Variants in RAB6B observed in about 807,000 individuals in gnomAD.
RAB6B encodes RAB6B, member RAS oncogene family, also known as ras-related protein Rab-6B.
RAB6B carries 7 observed loss-of-function variants against 31.2 expected under a neutral mutation model. The ratio of observed to expected loss-of-function variants is 0.22; its 90% CI spans 0.13 to 0.42. The LOEUF (loss-of-function observed/expected upper bound fraction) is 0.42. RAB6B is among the 10% of genes least tolerant of loss of function. RAB6B has a pLI of 1.00. For synonymous variants in RAB6B, 105 were observed against 104.9 expected (o/e 1.00, Z -0.01); for missense variants, 149 against 280.6 (o/e 0.53, Z 3.35).
At chr3:133,895,317 C>T (rs1936693202) in intron 1 of RAB6B, 80 bp downstream of exon 1, 3 of 1,475,546 alleles carry the variant, frequency 2.0e-6, no homozygotes, top group South Asian at 2.3e-5. Context: ...CGAGCCTGGG[C>T]CGGGGGTCCC....
intron 1 of RAB6B, among the ~76,000 whole-genome samples, chr3:133,892,886 C>CA (rs1936655820): frequency 6.6e-6 from 1 of 152,210 alleles, no homozygotes; most frequent in South Asian, 2.1e-4. Flanking sequence ...GTAGAAGAAG[C>CA]GGCTGTGGAG....
chr3:133,892,615 C>T (rs1936651622), intron 1 of RAB6B, among the ~76,000 whole-genome samples: 1 of 152,182 alleles, frequency 6.6e-6, no homozygotes, highest in South Asian at 2.1e-4. Context: ...TAAGATAAAG[C>T]CACATCCCTC....
intron 2 of RAB6B, among the ~76,000 whole-genome samples, chr3:133,859,462 G>A (rs1010934471): frequency 6.6e-6 from 1 of 152,174 alleles, no homozygotes; most frequent in Non-Finnish European, 1.5e-5. Flanking sequence ...CCATGAGTGT[G>A]TGAGTGTGTC....
At chr3:133,859,532 T>C (rs907525507) in intron 2 of RAB6B, among the ~76,000 whole-genome samples, 1 of 151,982 alleles carries the variant, frequency 6.6e-6, no homozygotes, top group Non-Finnish European at 1.5e-5. Flanking sequence ...GGGTCCTACC[T>C]CACCTACACC....
At chr3:133,872,381 C>T (rs1312834720) in intron 1 of RAB6B, among the ~76,000 whole-genome samples, 2 of 152,364 alleles carry the variant, frequency 1.3e-5, no homozygotes, top group African/African-American at 4.8e-5. Context: ...CTGCACAGGG[C>T]CCTTGGGGTG....
intron 1 of RAB6B, among the ~76,000 whole-genome samples, chr3:133,892,293 A>C (rs756526002): frequency 6.6e-6 from 1 of 152,128 alleles, no homozygotes; most frequent in Non-Finnish European, 1.5e-5. Context: ...TCCTGGGTCC[A>C]CAGCACCCTC....
chr3:133,850,192 C>CG (rs1001725419), intron 2 of RAB6B, among the ~76,000 whole-genome samples: 19 of 152,110 alleles, frequency 1.2e-4, no homozygotes, highest in African/African-American at 3.1e-4. Context: ...CTGCCTACCA[C>CG]GGGGGGGAGA....
chr3:133,834,492 G>C, intron 7 of RAB6B, 83 bp downstream of exon 7: 2 of 1,435,098 alleles, frequency 1.4e-6, no homozygotes, highest in Non-Finnish European at 2.0e-6. Context: ...GACTGGGCGA[G>C]TGTCTGTCCA....
intron 1 of RAB6B, among the ~76,000 whole-genome samples, chr3:133,878,113 G>A (rs1346959194): frequency 6.6e-6 from 1 of 152,000 alleles, no homozygotes. Context: ...TGAAGGGAGA[G>A]GCAGTGACAG....
chr3:133,887,600 C>T lies in RAB6B; in HGVS notation c.70+7797G>A, dbSNP rs181154134. Among the ~76,000 whole-genome samples the T allele has an allele frequency of 9.9e-4, 151 of 152,302 alleles. 1 individual carries two copies. The highest frequency in any genetic ancestry group is 1.6e-3 in the Non-Finnish European group (108 of 68,026). On this transcript the variant is annotated intron_variant, in intron 1 of 7. Transcript: ENST00000285208. The stretch of plus-strand genomic sequence containing the variant: ...AGAACCAGAGTTAGAGCTCCACTGG[C>T]CCAAGGGGTCACCCAGCCCAGTAGC...
At chr3:133,843,533 C>T (rs79153014) in intron 2 of RAB6B, among the ~76,000 whole-genome samples, 1 of 152,336 alleles carries the variant, frequency 6.6e-6, no homozygotes, top group Non-Finnish European at 1.5e-5. Context: ...GAGTGACATG[C>T]TCCTTTTGTA....
rs1419909270 is a variant in RAB6B, at chr3:133,895,697, G to T, written c.-231C>A. On this transcript the variant is annotated 5_prime_UTR_variant, in exon 1 of 8. Transcript: ENST00000285208. ...GCGGAGGCGGAGGAAGGCTGGGGCT[G>T]GGCTGCTGCGGTCGGCACTGGCTGC... The T allele has an allele frequency of 1.1e-5, 6 of 555,672 alleles. No individual in the cohort carries two copies. Among genetic ancestry groups the T allele is most frequent in the Non-Finnish European group, 1.9e-5 (6 of 318,266 alleles). 34.4% of individuals were successfully genotyped at this position (555,672 alleles called of 1,614,324 possible).
intron 1 of RAB6B, among the ~76,000 whole-genome samples, chr3:133,875,769 C>T (rs1160497337): frequency 2.6e-5 from 4 of 152,190 alleles, no homozygotes; most frequent in Admixed American, 6.5e-5. Context: ...CTACCTGCTA[C>T]AGCCAAGTCT....
Position 133,841,213 on chromosome 3 carries a change from C to T in RAB6B, c.289+72G>A, listed in dbSNP as rs1276967573. The T allele has an allele frequency of 9.1e-6, 13 of 1,426,128 alleles. No individual in the cohort carries two copies. In the East Asian group the frequency reaches 9.1e-5, roughly 10 times the overall value. The allele number at this position is 1,426,128 out of a possible 1,614,324, so 88.3% of individuals were successfully genotyped here. On this transcript the variant is annotated intron_variant, in intron 4 of 7. Coordinates refer to ENST00000285208, the MANE Select transcript of RAB6B (RefSeq NM_016577.4). Reference sequence around the variant, plus strand: ...GCGTGTGCACACACATGCACACAGGCCTGGCCAGGGTCACACCTGGGCCCT... The same window carrying T: ...GCGTGTGCACACACATGCACACAGGTCTGGCCAGGGTCACACCTGGGCCCT...
chr3:133,841,686 G>T (rs1051729682), intron 2 of RAB6B, 23 bp from the exon 3 acceptor site: 5 of 1,612,720 alleles, frequency 3.1e-6, no homozygotes, highest in Middle Eastern at 3.3e-4. Context: ...AGCACAGAAC[G>T]GTCAAAATCA....
In RAB6B at chr3:133,855,817, T is replaced by C. The variant is rs577691842; in HGVS notation, c.129+8767A>G. Among the ~76,000 whole-genome samples, 14 of 152,318 alleles carry C rather than the reference T, an allele frequency of 9.2e-5. No individual in the cohort carries two copies. The South Asian group carries it at 1.0e-3, about 11-fold the overall frequency. On this transcript the variant is annotated intron_variant, in intron 2 of 7. Coordinates refer to ENST00000285208, the MANE Select transcript of RAB6B (RefSeq NM_016577.4). Reference sequence around the variant, plus strand: ...TACTGGTGGGCCCACCCAGCACCCATTGGCAACCTCCTACTCCCTTGCTTG... The same window carrying C: ...TACTGGTGGGCCCACCCAGCACCCACTGGCAACCTCCTACTCCCTTGCTTG...
intron 2 of RAB6B, among the ~76,000 whole-genome samples, chr3:133,858,774 A>G (rs1237984529): frequency 6.6e-6 from 1 of 152,146 alleles, no homozygotes; most frequent in East Asian, 1.9e-4. Context: ...GAGGCCCATG[A>G]AAGTCAAAAT....
chr3:133,838,162 T>C lies in RAB6B; in HGVS notation c.495+4A>G. 1 of 1,612,538 alleles carries C rather than the reference T, an allele frequency of 6.2e-7. No individual in the cohort carries two copies. The highest frequency in any genetic ancestry group is 1.7e-4 in the Middle Eastern group (1 of 6,058). The stretch of plus-strand genomic sequence containing the variant: ...GCCGGGCCCCGTGCCAGGTGTGTCC[T>C]CACCTGCTTCACGTTGTAGCCAGTC... On this transcript the variant is annotated splice_donor_region_variant and intron_variant, in intron 6 of 7. Transcript: ENST00000285208.
rs547226648 is a variant in RAB6B at position 133,886,694 on chromosome 3, G to C, written c.70+8703C>G. 6.6e-5 allele frequency among the ~76,000 whole-genome samples: 10 copies of C among 152,296 alleles called. No individual in the cohort carries two copies. In the South Asian group the frequency reaches 2.1e-3, roughly 32 times the overall value. Reference sequence around the variant, plus strand: ...CTTCCTGCCAGATCACGAGGATGTAGACCCCACAGTTCACAATACAGAAAT... The same window carrying C: ...CTTCCTGCCAGATCACGAGGATGTACACCCCACAGTTCACAATACAGAAAT... On this transcript the variant is annotated intron_variant, in intron 1 of 7. Coordinates refer to ENST00000285208, the MANE Select transcript of RAB6B (RefSeq NM_016577.4).
Sources: gnomAD v4.1 joint callset for allele counts (sites outside exome capture counted in the v4.1 genomes callset) on GRCh38, gnomAD v4.1.1 for gene constraint, MANE v1.5 for transcripts, NCBI Gene and HGNC (gene_info 2026-07-23, HGNC 2026-07-21) for gene names.